TENM3: variants seen among roughly 807,000 people sequenced by gnomAD.
TENM3 encodes teneurin transmembrane protein 3, also known as teneurin-3.
A neutral mutation model predicts 255.1 loss-of-function variants in TENM3; 63 were observed. The observed-to-expected ratio is 0.25, with a 90% CI of 0.20 to 0.30. The LOEUF (loss-of-function observed/expected upper bound fraction) is 0.30, where lower values mean the gene tolerates loss of function less well. TENM3 is among the 10% of genes least tolerant of loss of function. The probability of loss-of-function intolerance (pLI) is 1.00; values close to 1 mark genes in which losing one functional copy is unlikely to be tolerated. For synonymous variants in TENM3, 1,306 were observed against 1,322.3 expected, an observed-to-expected ratio of 0.99 and a Z score of 0.27; for missense variants, 2,929 against 3,461.1, an observed-to-expected ratio of 0.85 and a Z score of 3.86.
At chr4:181,507,269 A>G in the TENM3 span, among the ~76,000 whole-genome samples, 1 of 152,334 alleles carries the variant, frequency 6.6e-6, no homozygotes, top group South Asian at 2.1e-4. Flanking sequence ...AGCTAACATC[A>G]ACAATTCTCA....
At chr4:182,520,063 G>A (rs1738408742) in intron 3 of TENM3, among the ~76,000 whole-genome samples, 1 of 152,106 alleles carries the variant, frequency 6.6e-6, no homozygotes, top group Non-Finnish European at 1.5e-5. Context: ...TAATAGGTAT[G>A]TATAGAATTA....
chr4:181,596,645 A>C, the TENM3 span, among the ~76,000 whole-genome samples: 1 of 152,322 alleles, frequency 6.6e-6, no homozygotes, highest in African/African-American at 2.4e-5. Context: ...CATATATAAA[A>C]CTTGTGTACA....
the TENM3 span, among the ~76,000 whole-genome samples, chr4:181,543,335 G>T: frequency 6.6e-6 from 1 of 152,110 alleles, no homozygotes; most frequent in Admixed American, 6.5e-5. Flanking sequence ...AATGTAAGGG[G>T]AGGGGAGGGG....
At chr4:182,245,600 A>G (rs993977201) in intron 1 of TENM3, among the ~76,000 whole-genome samples, 3 of 152,174 alleles carry the variant, frequency 2.0e-5, no homozygotes, top group African/African-American at 7.2e-5. Context: ...GGCAGTCCAC[A>G]TGTTACTTCC....
chr4:182,035,615 G>A, the TENM3 span, among the ~76,000 whole-genome samples: 21 of 152,104 alleles, frequency 1.4e-4, no homozygotes, highest in East Asian at 1.7e-3. Context: ...AATTTCACTC[G>A]AGCCTTTTTA....
At chr4:181,710,901 A>G in the TENM3 span, among the ~76,000 whole-genome samples, 13 of 152,094 alleles carry the variant, frequency 8.5e-5, no homozygotes, top group Admixed American at 2.6e-4. Flanking sequence ...AAAAAAAAAA[A>G]AGAGAAATGA....
the TENM3 span, among the ~76,000 whole-genome samples, chr4:182,108,404 C>A: frequency 1.3e-5 from 2 of 152,180 alleles, no homozygotes; most frequent in South Asian, 4.1e-4. Context: ...GCAAAGACAA[C>A]TGAATGAGGA....
At chr4:181,900,184 A>G in the TENM3 span, among the ~76,000 whole-genome samples, 3 of 152,164 alleles carry the variant, frequency 2.0e-5, no homozygotes, top group Non-Finnish European at 4.4e-5. Context: ...AGGCATCCTG[A>G]TTGCCAATGC....
chr4:181,931,789 A>G, the TENM3 span, among the ~76,000 whole-genome samples: 6 of 152,208 alleles, frequency 3.9e-5, no homozygotes, highest in Non-Finnish European at 5.9e-5. Flanking sequence ...ACAGTAACCA[A>G]AACAGCATGG....
chr4:182,003,596 G>A, the TENM3 span, among the ~76,000 whole-genome samples: 2 of 151,824 alleles, frequency 1.3e-5, no homozygotes, highest in South Asian at 2.1e-4. Flanking sequence ...CATGCAAAAC[G>A]GACATGATAT....
the TENM3 span, among the ~76,000 whole-genome samples, chr4:181,927,981 A>T: frequency 3.9e-5 from 6 of 152,190 alleles, no homozygotes; most frequent in African/African-American, 1.4e-4. Flanking sequence ...GAATAGAATC[A>T]ACATCAACAA....
At chr4:182,294,342 C>T (rs1011601192) in intron 1 of TENM3, among the ~76,000 whole-genome samples, 1 of 152,128 alleles carries the variant, frequency 6.6e-6, no homozygotes, top group Non-Finnish European at 1.5e-5. Context: ...GATTCTAGGG[C>T]CACCCCACAG....
chr4:182,123,926 T>TG, the TENM3 span, among the ~76,000 whole-genome samples: 1 of 152,258 alleles, frequency 6.6e-6, no homozygotes, highest in Non-Finnish European at 1.5e-5. Flanking sequence ...CCAAGGGTTT[T>TG]GTCTGGAATA....
Position 182,793,774 on chromosome 4 carries a change from G to A in TENM3, c.7102G>A (p.Asp2368Asn). 1.9e-6 allele frequency: 3 copies of A among 1,613,946 alleles called. No individual in the cohort carries two copies. In the South Asian group the frequency reaches 3.3e-5, roughly 18 times the overall value. The stretch of plus-strand genomic sequence containing the variant: ...TTTGGCAGGACGGTGGACAACACCT[G>A]ACATAGAAATCTGGAAAAGAATTGG... The part of the protein sequence containing the change: ...DILAGRWTTP[D>N]IEIWKRIGKD... Residue 2368 changes from aspartate (D) to asparagine (N), a missense_variant, in exon 26 of 28, where the codon GAC becomes AAC. Transcript: ENST00000511685. This position sits in a 1 kb window ranked among gnomAD's most constrained non-coding sequence, Gnocchi z 5.7.
At chr4:181,923,886 A>G in the TENM3 span, among the ~76,000 whole-genome samples, 22 of 152,152 alleles carry the variant, frequency 1.4e-4, no homozygotes, top group Non-Finnish European at 1.5e-5. Flanking sequence ...AGTGGGTAAA[A>G]ACTGTTGTTG....
At chr4:181,926,679 C>G in the TENM3 span, among the ~76,000 whole-genome samples, 3 of 151,962 alleles carry the variant, frequency 2.0e-5, no homozygotes, top group African/African-American at 7.3e-5. Context: ...TTGCTTATAA[C>G]TTTTTAAATG....
intron 12 of TENM3, among the ~76,000 whole-genome samples, chr4:182,688,907 G>A (rs1756802976): frequency 6.6e-6 from 1 of 152,034 alleles, no homozygotes; most frequent in Admixed American, 6.6e-5. Flanking sequence ...AACCTGTATG[G>A]TTAACACTTT....
intron 19 of TENM3, among the ~76,000 whole-genome samples, chr4:182,748,779 C>G (rs1361351624): frequency 6.6e-6 from 1 of 152,176 alleles, no homozygotes; most frequent in Admixed American, 6.5e-5. Context: ...TTTCCAGAGG[C>G]TAATTCTCTT....
At chr4:182,248,987 T>C (rs2150105372) in intron 1 of TENM3, among the ~76,000 whole-genome samples, 1 of 152,354 alleles carries the variant, frequency 6.6e-6, no homozygotes, top group Non-Finnish European at 1.5e-5. Context: ...GTTTACTATG[T>C]GCCAGACCCT....
Sources: gnomAD v4.1 joint callset for allele counts (sites outside exome capture counted in the v4.1 genomes callset) on GRCh38, gnomAD v4.1.1 for gene constraint, Gnocchi (gnomAD v3.1) non-coding constraint, MANE v1.5 for transcripts, NCBI Gene and HGNC (gene_info 2026-07-23, HGNC 2026-07-21) for gene names.